COL22A1: variants seen among roughly 807,000 people sequenced by gnomAD.
COL22A1 encodes collagen type XXII alpha 1 chain, also known as collagen alpha-1(XXII) chain.
A neutral mutation model predicts 248.9 loss-of-function variants in COL22A1; 221 were observed. The observed-to-expected ratio is 0.89, with a 90% confidence interval of 0.80 to 0.99. COL22A1 has a LOEUF of 0.99. COL22A1 is among the 50% of genes least tolerant of loss of function. COL22A1 has a pLI of 0.00. For missense variants in COL22A1, 2,240 were observed against 2,179.0 expected, an observed-to-expected ratio of 1.03 and a Z score of -0.56; for synonymous variants, 891 against 793.4, an observed-to-expected ratio of 1.12 and a Z score of -2.07.
intron 25 of COL22A1, among the ~76,000 whole-genome samples, chr8:138,723,175 C>T (rs1263946349): frequency 7.9e-5 from 12 of 152,178 alleles, no homozygotes; most frequent in Admixed American, 7.9e-4. Flanking sequence ...GCTATTAGTG[C>T]TGTTCAAAAG....
At chr8:138,723,025 T>C (rs1357492469) in intron 25 of COL22A1, among the ~76,000 whole-genome samples, 3 of 151,652 alleles carry the variant, frequency 2.0e-5, no homozygotes, top group African/African-American at 7.3e-5. Flanking sequence ...GTAACAAGCT[T>C]GCACATCCTG....
intron 1 of COL22A1, among the ~76,000 whole-genome samples, chr8:138,902,143 G>C (rs529268885): frequency 1.3e-5 from 2 of 152,258 alleles, no homozygotes; most frequent in South Asian, 4.2e-4. Context: ...GAGGTGAGGC[G>C]CTCCATGAGA....
chr8:138,741,976 A>AGAGTTGATGGTGATGGTG, intron 22 of COL22A1, among the ~76,000 whole-genome samples: 1 of 116,212 alleles, frequency 8.6e-6, no homozygotes, highest in Non-Finnish European at 1.8e-5. Context: ...TGGTGATGGT[A>AGAGTTGATGGTGATGGTG]GAGTTGATGG....
chr8:138,768,593 G>C (rs756964185), intron 16 of COL22A1, among the ~76,000 whole-genome samples: 3 of 152,186 alleles, frequency 2.0e-5, no homozygotes, highest in African/African-American at 4.8e-5. Flanking sequence ...GAATTTGTGA[G>C]ATAACATAGG....
intron 42 of COL22A1, among the ~76,000 whole-genome samples, chr8:138,662,949 G>C (rs1251599066): frequency 6.6e-6 from 1 of 150,630 alleles, no homozygotes; most frequent in Non-Finnish European, 1.5e-5. Context: ...CCAGGAGGCG[G>C]AGATTGCAGT....
At chr8:138,640,465 G>A (rs759532890) in intron 47 of COL22A1, among the ~76,000 whole-genome samples, 1 of 152,006 alleles carries the variant, frequency 6.6e-6, no homozygotes, top group Non-Finnish European at 1.5e-5. Flanking sequence ...CTGTTGTCCT[G>A]CTTGGAAAAC....
intron 35 of COL22A1, among the ~76,000 whole-genome samples, chr8:138,692,060 G>A (rs1344752180): frequency 6.5e-5 from 9 of 139,464 alleles, no homozygotes; most frequent in African/African-American, 1.1e-4. Flanking sequence ...GTGTGTGCGC[G>A]CACGTTTGTG....
chr8:138,661,801 T>C (rs1452016020), intron 43 of COL22A1, among the ~76,000 whole-genome samples: 1 of 152,156 alleles, frequency 6.6e-6, no homozygotes, highest in Non-Finnish European at 1.5e-5. Context: ...TGAACAGATC[T>C]TGAAAACTTA....
intron 34 of COL22A1, among the ~76,000 whole-genome samples, 180 bp downstream of exon 34, chr8:138,694,328 G>T (rs555206257): frequency 6.6e-6 from 1 of 152,296 alleles, no homozygotes; most frequent in Admixed American, 6.5e-5. Context: ...CTGGCCCCAT[G>T]GCTGTGTCTG....
At chr8:138,773,419 G>T (rs1285671880) in intron 16 of COL22A1, among the ~76,000 whole-genome samples, 1 of 152,182 alleles carries the variant, frequency 6.6e-6, no homozygotes, top group African/African-American at 2.4e-5. Context: ...ACACAACCTG[G>T]CTCTGTGCTC....
chr8:138,600,798 A>G (rs1018647460), intron 60 of COL22A1, among the ~76,000 whole-genome samples: 1 of 152,232 alleles, frequency 6.6e-6, no homozygotes, highest in African/African-American at 2.4e-5. Context: ...ATTTCACAGG[A>G]CGTTGCAATC....
At chr8:138,811,260 C>CATATAT (rs772821836) in intron 9 of COL22A1, among the ~76,000 whole-genome samples, 46 of 146,998 alleles carry the variant, frequency 3.1e-4, no homozygotes, top group African/African-American at 1.1e-3. Flanking sequence ...CAAAACTCTA[C>CATATAT]ATATATATAT....
In COL22A1 at chr8:138,850,541, G is replaced by A. The variant is rs927935333; in HGVS notation, c.659-6383C>T. ...GGCACAGCTGGGCCCTTCCTGATGG[G>A]AGCCGGGGATGCAGTTGTCTTTGTT... On this transcript the variant is annotated intron_variant, in intron 3 of 64. Transcript: ENST00000303045. 5.9e-5 allele frequency among the ~76,000 whole-genome samples: 9 copies of A among 152,168 alleles called. No individual in the cohort carries two copies. In the South Asian group the frequency reaches 6.2e-4, roughly 11 times the overall value.
At chr8:138,619,316 C>T (rs1564104326) in intron 53 of COL22A1, 139 bp downstream of exon 53, 2 of 692,938 alleles carry the variant, frequency 2.9e-6, no homozygotes, top group Non-Finnish European at 5.1e-6. Context: ...ATTGACCGCA[C>T]AGAAGCACAG....
At chr8:138,818,078 C>G (rs566929748) in intron 7 of COL22A1, among the ~76,000 whole-genome samples, 2 of 152,152 alleles carry the variant, frequency 1.3e-5, no homozygotes, top group Non-Finnish European at 2.9e-5. Flanking sequence ...TGTTTGGAAC[C>G]AGGGTTAGAA....
At chr8:138,783,033 C>G (rs1815166979) in intron 12 of COL22A1, among the ~76,000 whole-genome samples, 1 of 152,102 alleles carries the variant, frequency 6.6e-6, no homozygotes, top group African/African-American at 2.4e-5. Flanking sequence ...AGGCTTGGGA[C>G]CAGGAGGGTC....
intron 22 of COL22A1, among the ~76,000 whole-genome samples, chr8:138,737,799 C>T (rs1176998670): frequency 1.3e-5 from 2 of 152,026 alleles, no homozygotes; most frequent in African/African-American, 2.4e-5. Flanking sequence ...AGCTCTGTAA[C>T]TTAAATGTGT....
intron 1 of COL22A1, among the ~76,000 whole-genome samples, chr8:138,909,583 T>TA (rs67017276): frequency 2.6e-5 from 4 of 151,086 alleles, no homozygotes; most frequent in African/African-American, 7.3e-5. Flanking sequence ...AAGCCAAACT[T>TA]AAAAAAAAAA....
intron 46 of COL22A1, among the ~76,000 whole-genome samples, chr8:138,648,137 G>T (rs560323107): frequency 1.2e-4 from 18 of 152,342 alleles, no homozygotes; most frequent in Admixed American, 5.9e-4. Context: ...TGATCACCAG[G>T]AGAATTTAAT....
Sources: gnomAD v4.1 joint callset for allele counts (sites outside exome capture counted in the v4.1 genomes callset) on GRCh38, gnomAD v4.1.1 for gene constraint, MANE v1.5 for transcripts, NCBI Gene and HGNC (gene_info 2026-07-23, HGNC 2026-07-21) for gene names.